BCAR3: variants seen among roughly 807,000 people sequenced by gnomAD.
BCAR3 encodes BCAR3 adaptor protein, NSP family member, also known as breast cancer anti-estrogen resistance protein 3.
BCAR3 carries 37 observed loss-of-function variants against 80.1 expected under a neutral mutation model. That is an observed-to-expected ratio of 0.46 (90% CI 0.36 to 0.61). BCAR3 has a LOEUF of 0.61. BCAR3 is among the 20% of genes least tolerant of loss of function. BCAR3 has a pLI of 0.00. For missense variants in BCAR3, 978 were observed against 1,068.2 expected (o/e 0.92, Z 1.18); for synonymous variants, 389 against 418.9 (o/e 0.93, Z 0.87).
At chr1:93,704,862 T>C (rs150271122) in intron 3 of BCAR3, among the ~76,000 whole-genome samples, 1 of 152,346 alleles carries the variant, frequency 6.6e-6, no homozygotes, top group East Asian at 1.9e-4. Flanking sequence ...TTTCATGGTT[T>C]ACTTACCTTC....
At chr1:93,567,163 A>ATTCT (rs1672984940) in intron 11 of BCAR3, 116 bp downstream of exon 11, 2 of 1,280,220 alleles carry the variant, frequency 1.6e-6, no homozygotes, top group Middle Eastern at 2.8e-4. Flanking sequence ...ATGGAATTCC[A>ATTCT]TTCTTTAATC....
At chr1:93,673,644 C>T (rs961291773) in intron 2 of BCAR3, among the ~76,000 whole-genome samples, 1 of 152,200 alleles carries the variant, frequency 6.6e-6, no homozygotes, top group African/African-American at 2.4e-5. Flanking sequence ...CAGGCAGAAA[C>T]CAATCACAGC....
chr1:93,685,290 C>T (rs1406405899), upstream of BCAR3, among the ~76,000 whole-genome samples: 3 of 152,164 alleles, frequency 2.0e-5, no homozygotes, highest in African/African-American at 7.2e-5. Context: ...GACCCCCTCC[C>T]ACTAGAAATA....
intron 2 of BCAR3, among the ~76,000 whole-genome samples, chr1:93,651,266 G>A (rs1156327726): frequency 1.3e-5 from 2 of 152,148 alleles, no homozygotes; most frequent in Non-Finnish European, 2.9e-5. Flanking sequence ...GACCTACGGG[G>A]AGGAAGATTT....
intron 2 of BCAR3, among the ~76,000 whole-genome samples, chr1:93,811,274 A>G (rs1653831135): frequency 6.6e-6 from 1 of 152,168 alleles, no homozygotes; most frequent in African/African-American, 2.4e-5. Flanking sequence ...GGACAGATAC[A>G]GGGTCTGGGG....
chr1:93,831,295 C>T (rs1002886198), intron 2 of BCAR3, among the ~76,000 whole-genome samples: 32 of 152,094 alleles, frequency 2.1e-4, no homozygotes, highest in African/African-American at 7.5e-4. Context: ...GGCAACTTTC[C>T]GCCCTCCATT....
At chr1:93,846,607 C>G (rs981305535) in intron 1 of BCAR3, among the ~76,000 whole-genome samples, 1 of 152,114 alleles carries the variant, frequency 6.6e-6, no homozygotes, top group African/African-American at 2.4e-5. Context: ...CCGTCCCCAC[C>G]GCTCGCAGCC....
chr1:93,676,537 C>T (rs903995676), intron 1 of BCAR3, among the ~76,000 whole-genome samples: 2 of 152,222 alleles, frequency 1.3e-5, no homozygotes, highest in Non-Finnish European at 2.9e-5. Context: ...GGTCTGCTCA[C>T]AGTGGGTGCA....
chr1:93,804,201 C>T (rs1653586829), intron 2 of BCAR3, among the ~76,000 whole-genome samples: 1 of 152,206 alleles, frequency 6.6e-6, no homozygotes, highest in African/African-American at 2.4e-5. Context: ...TCCAGCCTCA[C>T]AGGTGAGAAT....
At chr1:93,843,377 A>G (rs1319511368) in intron 2 of BCAR3, among the ~76,000 whole-genome samples, 2 of 152,364 alleles carry the variant, frequency 1.3e-5, no homozygotes, top group East Asian at 3.8e-4. Context: ...ACTTACTAAT[A>G]TAATAGCAAA....
intron 3 of BCAR3, among the ~76,000 whole-genome samples, chr1:93,696,811 G>A (rs1649426323): frequency 6.6e-6 from 1 of 152,186 alleles, no homozygotes; most frequent in African/African-American, 2.4e-5. Flanking sequence ...CCCAGGCATC[G>A]TGTCCCCAGC....
At chr1:93,609,316 G>C (rs1173558129) in intron 3 of BCAR3, among the ~76,000 whole-genome samples, 1 of 152,208 alleles carries the variant, frequency 6.6e-6, no homozygotes, top group Non-Finnish European at 1.5e-5. Context: ...TTCTGTGGCT[G>C]CTCATTGACA....
chr1:93,712,706 A>G (rs1650063742), intron 2 of BCAR3, among the ~76,000 whole-genome samples: 1 of 152,170 alleles, frequency 6.6e-6, no homozygotes, highest in South Asian at 2.1e-4. Flanking sequence ...TGATTTTCAC[A>G]TCAGCTCTAT....
intron 2 of BCAR3, among the ~76,000 whole-genome samples, chr1:93,719,563 C>T (rs1288827647): frequency 2.0e-5 from 3 of 151,686 alleles, no homozygotes; most frequent in African/African-American, 7.3e-5. Context: ...AGGATGGTCT[C>T]GATCTCCTGA....
intron 3 of BCAR3, among the ~76,000 whole-genome samples, chr1:93,637,385 C>T (rs1279766922): frequency 6.6e-6 from 1 of 152,064 alleles, no homozygotes; most frequent in Non-Finnish European, 1.5e-5. Context: ...GAACTCCTGA[C>T]CTCAGGCGAT....
chr1:93,566,108 T>C (rs183656499), intron 11 of BCAR3, among the ~76,000 whole-genome samples: 13 of 152,296 alleles, frequency 8.5e-5, no homozygotes, highest in African/African-American at 1.9e-4. Flanking sequence ...CACGGTCTTA[T>C]GTGGAAGGGC....
Position 93,703,517 on chromosome 1 carries a change from T to C in BCAR3, c.-12+2575A>G, listed in dbSNP as rs536157585. On this transcript the variant is annotated intron_variant, in intron 3 of 13. Coordinates refer to the BCAR3 transcript ENST00000370244. ...AGGAGTTTGAGGCTGCAGCAAGCTATAATCTTGCCACCACACTCCAGCCTG... is the reference window on the plus strand; with the variant it reads ...AGGAGTTTGAGGCTGCAGCAAGCTACAATCTTGCCACCACACTCCAGCCTG... Among the ~76,000 whole-genome samples the C allele has an allele frequency of 3.3e-5, 5 of 149,584 alleles. No homozygotes were observed. In the East Asian group the frequency reaches 9.8e-4, roughly 29 times the overall value.
At chr1:93,613,209 C>T (rs939470166) in intron 3 of BCAR3, among the ~76,000 whole-genome samples, 3 of 152,144 alleles carry the variant, frequency 2.0e-5, no homozygotes, top group Non-Finnish European at 2.9e-5. Flanking sequence ...ATTCCTAGTG[C>T]GTCACAGGCA....
At chr1:93,584,669 G>A (rs1041316373) in intron 5 of BCAR3, among the ~76,000 whole-genome samples, 1 of 152,222 alleles carries the variant, frequency 6.6e-6, no homozygotes, top group Admixed American at 6.5e-5. Context: ...GCTCTCGGGG[G>A]ACCCCCACAC....
Sources: allele counts gnomAD v4.1 joint callset (sites outside exome capture counted in the v4.1 genomes callset), GRCh38; gene constraint gnomAD v4.1.1; transcripts MANE v1.5; gene names NCBI Gene and HGNC (gene_info 2026-07-23, HGNC 2026-07-21).